The following ASIC2 variants were observed in gnomAD, a reference collection of about 807,000 sequenced individuals.
ASIC2 encodes the protein acid-sensing ion channel 2.
ASIC2 carries 25 observed loss-of-function variants against 57.3 expected under a neutral mutation model. The observed-to-expected ratio is 0.44, with a 90% CI of 0.32 to 0.61. The LOEUF is 0.61. Ranked by LOEUF, ASIC2 falls within the 20% of genes least tolerant of loss-of-function variation. ASIC2 has a pLI of 0.06. For missense variants in ASIC2, 641 were observed against 738.1 expected (o/e 0.87, Z 1.52); for synonymous variants, 319 against 307.5 (o/e 1.04, Z -0.39).
intron 1 of ASIC2, among the ~76,000 whole-genome samples, chr17:33,784,050 C>G (rs535412644): frequency 1.3e-5 from 2 of 152,128 alleles, no homozygotes; most frequent in Non-Finnish European, 2.9e-5. Flanking sequence ...CTCAGGGGGG[C>G]CTGGAGTCTG....
At chr17:33,941,828 T>C (rs927763906) in intron 1 of ASIC2, among the ~76,000 whole-genome samples, 1 of 152,154 alleles carries the variant, frequency 6.6e-6, no homozygotes, top group African/African-American at 2.4e-5. Flanking sequence ...CAGAAAGCAC[T>C]TGCACCAGGA....
chr17:34,128,710 C>T (rs1205909977), intron 1 of ASIC2, among the ~76,000 whole-genome samples: 1 of 152,106 alleles, frequency 6.6e-6, no homozygotes, highest in Non-Finnish European at 1.5e-5. Context: ...TTCTTGATGC[C>T]GTGTTACTAC....
rs143311460 is a variant in ASIC2 at position 34,126,770 on chromosome 17, T to G, written c.555+29208A>C. Among the ~76,000 whole-genome samples, 753 of 152,254 alleles carry G rather than the reference T, an allele frequency of 4.9e-3. 5 individuals are homozygous for G. The highest frequency in any genetic ancestry group is 0.017 in the African/African-American group (703 of 41,532). ...GTCTTCTCACAATTTAGTGGGCACA[T>G]GAGTCACCTGGGGACCTTGTTAAGC... On this transcript the variant is annotated intron_variant, in intron 1 of 9. Coordinates refer to the ASIC2 transcript ENST00000359872.
intron 1 of ASIC2, chr17:33,794,164 T>G (rs1179686539): frequency 6.6e-6 from 1 of 152,224 alleles, no homozygotes; most frequent in Non-Finnish European, 1.5e-5. Flanking sequence ...AAAAGTGCAG[T>G]GTCCTGAGTG....
At chr17:33,512,447 G>A (rs1914456440) in intron 1 of ASIC2, among the ~76,000 whole-genome samples, 1 of 152,192 alleles carries the variant, frequency 6.6e-6, no homozygotes, top group African/African-American at 2.4e-5. Flanking sequence ...AAGACTGAGA[G>A]GAGAACACTT....
At chr17:33,552,317 G>C (rs966412552) in intron 1 of ASIC2, among the ~76,000 whole-genome samples, 2 of 152,212 alleles carry the variant, frequency 1.3e-5, no homozygotes, top group Non-Finnish European at 2.9e-5. Context: ...TCCCTAGAGA[G>C]CTTAGAGATG....
At chr17:33,919,115 G>A (rs1366457478) in intron 1 of ASIC2, among the ~76,000 whole-genome samples, 1 of 152,154 alleles carries the variant, frequency 6.6e-6, no homozygotes, top group Admixed American at 6.5e-5. Context: ...TAGTGCAGGC[G>A]ATGGAAGAGA....
At chr17:33,689,117 G>A (rs1318981378) in intron 1 of ASIC2, 1 of 152,234 alleles carries the variant, frequency 6.6e-6, no homozygotes, top group African/African-American at 2.4e-5. Flanking sequence ...ACCTAGGAAT[G>A]CACCTGGCCA....
chr17:33,076,387 G>A (rs2092089281), intron 3 of ASIC2, among the ~76,000 whole-genome samples: 1 of 152,194 alleles, frequency 6.6e-6, no homozygotes, highest in African/African-American at 2.4e-5. Flanking sequence ...CTGTCTATTA[G>A]GAGTCGGGTC....
At chr17:33,869,877 A>T (rs1914345065) in intron 1 of ASIC2, among the ~76,000 whole-genome samples, 1 of 152,242 alleles carries the variant, frequency 6.6e-6, no homozygotes, top group Non-Finnish European at 1.5e-5. Flanking sequence ...ACTTTAAATG[A>T]GTGAATTATG....
intron 1 of ASIC2, among the ~76,000 whole-genome samples, chr17:33,479,124 G>A (rs1468753201): frequency 1.3e-5 from 2 of 151,922 alleles, no homozygotes; most frequent in Non-Finnish European, 2.9e-5. Context: ...TCAGCCTCCT[G>A]GGTAGCTGGA....
At chr17:33,941,574 G>C (rs527310526) in intron 1 of ASIC2, among the ~76,000 whole-genome samples, 9 of 152,346 alleles carry the variant, frequency 5.9e-5, no homozygotes, top group African/African-American at 2.2e-4. Context: ...GAAGTAGATA[G>C]AGGGAGCTGG....
intron 1 of ASIC2, among the ~76,000 whole-genome samples, chr17:33,155,288 A>G (rs1054852000): frequency 6.6e-6 from 1 of 152,266 alleles, no homozygotes; most frequent in Non-Finnish European, 1.5e-5. Context: ...GGGTGGGCGC[A>G]CTGTGGGCTG....
At chr17:33,579,196 G>C (rs909857366) in intron 1 of ASIC2, among the ~76,000 whole-genome samples, 1 of 150,202 alleles carries the variant, frequency 6.7e-6, no homozygotes, top group African/African-American at 2.5e-5. Flanking sequence ...TGAGGCAGGA[G>C]AATCGCTTGA....
intron 1 of ASIC2, among the ~76,000 whole-genome samples, chr17:33,990,327 G>A (rs1320813480): frequency 6.6e-6 from 1 of 152,102 alleles, no homozygotes; most frequent in African/African-American, 2.4e-5. Flanking sequence ...AAAATTGTCT[G>A]GCAACAGATA....
At chr17:33,195,852 G>A (rs1906605066) in intron 1 of ASIC2, among the ~76,000 whole-genome samples, 1 of 152,166 alleles carries the variant, frequency 6.6e-6, no homozygotes, top group Admixed American at 6.5e-5. Flanking sequence ...CATAGAGTGG[G>A]CTGTGGCACT....
intron 1 of ASIC2, among the ~76,000 whole-genome samples, chr17:33,614,595 T>C (rs1905533228): frequency 6.6e-6 from 1 of 152,238 alleles, no homozygotes; most frequent in Admixed American, 6.5e-5. Flanking sequence ...TGAAAACTTA[T>C]CTGCTATATT....
intron 1 of ASIC2, among the ~76,000 whole-genome samples, chr17:33,513,786 G>A (rs985876117): frequency 5.3e-5 from 8 of 152,222 alleles, no homozygotes; most frequent in African/African-American, 1.7e-4. Context: ...TCCTTGCCCA[G>A]GTTCAAAGGC....
At chr17:33,281,587 G>A (rs912774219) in intron 1 of ASIC2, among the ~76,000 whole-genome samples, 6 of 152,168 alleles carry the variant, frequency 3.9e-5, no homozygotes, top group Admixed American at 6.5e-5. Flanking sequence ...TCTGTGTTTC[G>A]CAAATGAGGA....
Sources: allele counts gnomAD v4.1 joint callset (sites outside exome capture counted in the v4.1 genomes callset), GRCh38; gene constraint gnomAD v4.1.1; transcripts MANE v1.5; gene names NCBI Gene and HGNC (gene_info 2026-07-23, HGNC 2026-07-21).